The following FGGY variants were observed in gnomAD, a reference collection of about 807,000 sequenced individuals.
FGGY encodes FGGY carbohydrate kinase domain containing.
FGGY carries 72 observed loss-of-function variants against 71.3 expected under a neutral mutation model. That is an observed-to-expected ratio of 1.01 (90% CI 0.84 to 1.23). The LOEUF is 1.23. FGGY is among the 50% of genes most tolerant of loss of function. The pLI, the probability that FGGY is intolerant of heterozygous loss-of-function variation, is 0.00. For missense variants in FGGY, 668 were observed against 682.3 expected, an observed-to-expected ratio of 0.98 and a Z score of 0.23; for synonymous variants, 251 against 250.3, an observed-to-expected ratio of 1.00 and a Z score of -0.02.
intron 2 of FGGY, chr1:59,331,823 T>G (rs947267022): frequency 5.9e-5 from 9 of 152,186 alleles, no homozygotes; most frequent in Non-Finnish European, 1.2e-4. Flanking sequence ...AAGTGAGTGA[T>G]TGAACTGTGT....
chr1:59,441,955 A>G (rs188231227), intron 5 of FGGY, among the ~76,000 whole-genome samples: 29 of 152,312 alleles, frequency 1.9e-4, no homozygotes, highest in African/African-American at 6.3e-4. Context: ...ACTCCTACTC[A>G]TATTTCAGGA....
At chr1:59,458,616 G>A (rs556444508) in intron 6 of FGGY, among the ~76,000 whole-genome samples, 25 of 152,290 alleles carry the variant, frequency 1.6e-4, no homozygotes, top group Admixed American at 3.3e-4. Flanking sequence ...TTCATTAGAA[G>A]TCCATAATGT....
At chr1:59,310,170 C>G (rs1343621554) in intron 1 of FGGY, 2 of 152,146 alleles carry the variant, frequency 1.3e-5, no homozygotes, top group African/African-American at 2.4e-5. Flanking sequence ...TTACAGCAGT[C>G]AGTAAGGTTG....
Position 59,556,640 on chromosome 1 carries a change from C to A in FGGY, c.903+2413C>A, listed in dbSNP as rs556157030. On this transcript the variant is annotated intron_variant, in intron 8 of 15. Coordinates refer to ENST00000303721, the MANE Select transcript of FGGY (RefSeq NM_018291.5). ...ATCTGCTCATGCATGTTTTGGCCCT[C>A]TGACCTGAGTGAGCTACTTAACTTC... 6.0e-4 allele frequency among the ~76,000 whole-genome samples: 91 copies of A among 152,312 alleles called. No homozygotes were observed. In the Middle Eastern group the frequency reaches 0.024, roughly 40 times the overall value.
rs769312503 is a variant in FGGY at position 59,321,667 on chromosome 1, C to A, written c.118C>A (p.Pro40Thr). 1 of 1,613,376 alleles carries A rather than the reference C, an allele frequency of 6.2e-7. No homozygotes were observed. The highest frequency in any genetic ancestry group is 1.1e-5 in the South Asian group (1 of 90,888). Residue 40 changes from proline to threonine, a missense_variant, in exon 2 of 16, where the codon CCA becomes ACA. Physicochemically the swap from Pro to Thr is conservative, Grantham distance 38. Coordinates refer to ENST00000303721, the MANE Select transcript of FGGY (RefSeq NM_018291.5). ...SGVLLAFADQPIKNWEPQFNH... is the reference protein window; with the variant it reads ...SGVLLAFADQTIKNWEPQFNH... ...GGTCCTGTTGGCTTTTGCAGACCAG[C>A]CAATTAAGAATTGGGAGCCCCAGTT...
At chr1:59,414,785 A>G (rs1336653273) in intron 5 of FGGY, among the ~76,000 whole-genome samples, 1 of 152,206 alleles carries the variant, frequency 6.6e-6, no homozygotes, top group Non-Finnish European at 1.5e-5. Flanking sequence ...AGCTGCAGCC[A>G]TCCTACACTT....
intron 5 of FGGY, among the ~76,000 whole-genome samples, chr1:59,436,387 C>T (rs915628172): frequency 1.3e-5 from 2 of 152,034 alleles, no homozygotes; most frequent in Non-Finnish European, 2.9e-5. Context: ...AGACTAGAAC[C>T]CCCTCAAGTG....
At chr1:59,508,908 A>AAG (rs1309608221) in intron 6 of FGGY, among the ~76,000 whole-genome samples, 1 of 152,142 alleles carries the variant, frequency 6.6e-6, no homozygotes, top group Non-Finnish European at 1.5e-5. Context: ...TGAAAGAAGG[A>AAG]AGAGAGAGAA....
rs151300714 is a variant in FGGY, at chr1:59,521,261, C to T, written c.799+8822C>T. Among the ~76,000 whole-genome samples the T allele has an allele frequency of 7.9e-3, 1,209 of 152,190 alleles. 15 individuals carry two copies. Among genetic ancestry groups the T allele is most frequent in the Non-Finnish European group, 0.013 (915 of 67,996 alleles). On this transcript the variant is annotated intron_variant, in intron 7 of 15. Coordinates refer to ENST00000303721, the MANE Select transcript of FGGY (RefSeq NM_018291.5). ...CCTGAGACCTCGGCAGTTCATGAGCCGTGGCAACAGCTCATGTGATGGAGG... is the reference window on the plus strand; with the variant it reads ...CCTGAGACCTCGGCAGTTCATGAGCTGTGGCAACAGCTCATGTGATGGAGG...
At chr1:59,674,535 A>G (rs775427013) in intron 14 of FGGY, among the ~76,000 whole-genome samples, 1 of 152,204 alleles carries the variant, frequency 6.6e-6, no homozygotes, top group Non-Finnish European at 1.5e-5. Context: ...GCCTCTATCA[A>G]CAAGAGACAC....
intron 9 of FGGY, among the ~76,000 whole-genome samples, chr1:59,608,114 A>ACCAG (rs2096641372): frequency 6.6e-6 from 1 of 152,188 alleles, no homozygotes; most frequent in Non-Finnish European, 1.5e-5. Context: ...GGCAGTGATG[A>ACCAG]CCAGCCCTTC....
chr1:59,700,630 G>A (rs1012265355), intron 14 of FGGY, among the ~76,000 whole-genome samples: 3 of 152,152 alleles, frequency 2.0e-5, no homozygotes, highest in Non-Finnish European at 1.5e-5. Flanking sequence ...ATACCTGTCT[G>A]CTTTCCTCAC....
At chr1:59,345,002 A>G (rs991229054) in intron 3 of FGGY, among the ~76,000 whole-genome samples, 12 of 152,136 alleles carry the variant, frequency 7.9e-5, no homozygotes, top group African/African-American at 2.9e-4. Context: ...ATGCAGATCT[A>G]GTTCCAAAAT....
intron 13 of FGGY, among the ~76,000 whole-genome samples, chr1:59,671,611 G>A (rs1477158023): frequency 6.6e-6 from 1 of 152,236 alleles, no homozygotes; most frequent in Admixed American, 6.5e-5. Context: ...GGTAACAGGT[G>A]TGAGGAGAGA....
chr1:59,568,312 T>A (rs1171495224), intron 8 of FGGY, among the ~76,000 whole-genome samples: 6 of 152,154 alleles, frequency 3.9e-5, no homozygotes, highest in Non-Finnish European at 7.3e-5. Context: ...CTGTGCTCTC[T>A]TATTCATCTG....
rs566369566 is a variant in FGGY, at chr1:59,697,601, G to A, written c.1512+23468G>A. The A allele has an allele frequency of 5.1e-5, 55 of 1,086,264 alleles. No homozygotes were observed. The East Asian group carries it at 1.1e-3, about 22-fold the overall frequency. 67.3% of individuals were successfully genotyped at this position (1,086,264 alleles called of 1,614,324 possible). On this transcript the variant is annotated intron_variant, in intron 14 of 15. Coordinates refer to ENST00000303721, the MANE Select transcript of FGGY (RefSeq NM_018291.5). ...TGATCTGCTGATTATAACCATCGTCGCTGTGAAGACTTTGGCGTGCTTAAC... is the reference window on the plus strand; with the variant it reads ...TGATCTGCTGATTATAACCATCGTCACTGTGAAGACTTTGGCGTGCTTAAC...
At chr1:59,668,828 CA>C (rs879545867) in intron 13 of FGGY, among the ~76,000 whole-genome samples, 277 of 138,554 alleles carry the variant, frequency 2.0e-3, no homozygotes, top group East Asian at 4.6e-3. Flanking sequence ...ACTAAAAATA[CA>C]AAAAAAAAAA....
chr1:59,499,299 G>GTTTGTTTTTTTTT (rs774954925), intron 6 of FGGY, among the ~76,000 whole-genome samples: 2 of 105,818 alleles, frequency 1.9e-5, no homozygotes, highest in African/African-American at 3.9e-5. Flanking sequence ...TACTATGTTT[G>GTTTGTTTTTTTTT]TTTTTTTTTT....
chr1:59,467,143 G>T (rs1212354326), intron 6 of FGGY, among the ~76,000 whole-genome samples: 2 of 152,072 alleles, frequency 1.3e-5, no homozygotes, highest in East Asian at 3.8e-4. Context: ...AAATGTAACA[G>T]ATAGACACCA....
Sources: allele counts gnomAD v4.1 joint callset (sites outside exome capture counted in the v4.1 genomes callset), GRCh38; gene constraint gnomAD v4.1.1; transcripts MANE v1.5; gene names NCBI Gene and HGNC (gene_info 2026-07-23, HGNC 2026-07-21).